Variants in PCOLCE2 observed in about 807,000 individuals in gnomAD.
PCOLCE2 encodes the protein procollagen C-proteinase enhancer 2.
PCOLCE2 carries 42 observed loss-of-function variants against 47.0 expected under a neutral mutation model. The ratio of observed to expected loss-of-function variants is 0.89; its 90% CI spans 0.70 to 1.16. The LOEUF (loss-of-function observed/expected upper bound fraction) is 1.16, where lower values mean the gene tolerates loss of function less well. Among genes scored for constraint, PCOLCE2 ranks in the 50% most tolerant of loss-of-function variants. PCOLCE2 has a pLI of 0.00. For missense variants in PCOLCE2, 500 were observed against 526.1 expected (o/e 0.95, Z 0.49); for synonymous variants, 169 against 191.7 (o/e 0.88, Z 0.98).
intron 6 of PCOLCE2, among the ~76,000 whole-genome samples, chr3:142,824,467 T>A (rs764893027): frequency 7.9e-5 from 12 of 152,124 alleles, no homozygotes; most frequent in Non-Finnish European, 1.8e-4. Context: ...CTCATAATCA[T>A]CTTAAGAATG....
intron 2 of PCOLCE2, among the ~76,000 whole-genome samples, chr3:142,886,961 C>T (rs1386447730): frequency 3.3e-5 from 5 of 152,198 alleles, no homozygotes; most frequent in African/African-American, 1.2e-4. Context: ...TAAACAACTT[C>T]CCAACAACGA....
At chr3:142,834,737 C>T (rs372763721) in intron 5 of PCOLCE2, among the ~76,000 whole-genome samples, 3 of 151,970 alleles carry the variant, frequency 2.0e-5, no homozygotes, top group Non-Finnish European at 2.9e-5. Context: ...TTTGTTTCAG[C>T]GTTTCTTTTT....
chr3:142,827,302 A>C, intron 6 of PCOLCE2: 1 of 1,339,228 alleles, frequency 7.5e-7, no homozygotes, highest in Non-Finnish European at 1.1e-6. Context: ...TCTTTGCCTT[A>C]TATTTGTGGT....
intron 1 of PCOLCE2, 58 bp from the exon 2 acceptor site, chr3:142,887,835 T>A: frequency 1.1e-6 from 1 of 928,876 alleles, no homozygotes; most frequent in Non-Finnish European, 1.8e-6. Flanking sequence ...AACAATCTGA[T>A]GTTACCTTCA....
In PCOLCE2 at chr3:142,887,788, A is replaced by G. The variant is rs763109157; in HGVS notation, c.84-11T>C. ...CATGTGAAAACAGGTCTGGGAACAT[A>G]AAAGAAGAAAAGATAATGTAATTTG... is the stretch of plus-strand genomic sequence containing the variant. On this transcript the variant is annotated splice_polypyrimidine_tract_variant and intron_variant, in intron 1 of 8. Transcript: ENST00000295992. 1.5e-6 allele frequency: 2 copies of G among 1,359,376 alleles called. No homozygotes were observed. The highest frequency in any genetic ancestry group is 2.9e-5 in the African/African-American group (2 of 69,802). 84.2% of individuals were successfully genotyped at this position (1,359,376 alleles called of 1,614,324 possible).
At chr3:142,875,972 G>A (rs1235189620) in intron 2 of PCOLCE2, among the ~76,000 whole-genome samples, 1 of 152,188 alleles carries the variant, frequency 6.6e-6, no homozygotes, top group Non-Finnish European at 1.5e-5. Flanking sequence ...CTTTACTTAT[G>A]ATGGGCAAGA....
rs1392965501 is a variant in PCOLCE2 at position 142,836,069 on chromosome 3, T to G, written c.710+2701A>C. On this transcript the variant is annotated intron_variant, in intron 5 of 8. Coordinates refer to ENST00000295992, the MANE Select transcript of PCOLCE2 (RefSeq NM_013363.4). ...AAAACTGTATTTCTACTGTTTCTAA[T>G]GCAGGCATTATCAACTTGGAAGCTT... Among the ~76,000 whole-genome samples, 4 of 152,264 alleles carry G rather than the reference T, an allele frequency of 2.6e-5. No individual in the cohort carries two copies. In the East Asian group the frequency reaches 7.7e-4, roughly 29 times the overall value.
Position 142,838,862 on chromosome 3 carries a change from G to A in PCOLCE2, c.618C>T (p.Asn206=), listed in dbSNP as rs1014461402. The A allele has an allele frequency of 2.5e-6, 4 of 1,612,702 alleles. No individual in the cohort carries two copies. The change falls in exon 5 of 9, where the codon AAC becomes AAT. Residue 206 remains asparagine, a synonymous_variant. Coordinates refer to ENST00000295992, the MANE Select transcript of PCOLCE2 (RefSeq NM_013363.4). ...CAGCCACATAATCATATCGGCAGTAGTTATCTCGCTCCACATCAAACTTCT... is the reference window on the plus strand; with the variant it reads ...CAGCCACATAATCATATCGGCAGTAATTATCTCGCTCCACATCAAACTTCT... The part of the protein sequence containing the change: ...KFEKFDVERD[N]YCRYDYVAVF...
At chr3:142,845,755 A>G (rs6440111) in intron 3 of PCOLCE2, among the ~76,000 whole-genome samples, 10,262 of 152,200 alleles carry the variant, frequency 0.067, 1,106 homozygotes, top group African/African-American at 0.23. Flanking sequence ...GGGCAGATCA[A>G]CCTGAGGTCA....
intron 2 of PCOLCE2, among the ~76,000 whole-genome samples, chr3:142,860,734 G>A (rs922805418): frequency 6.6e-6 from 1 of 152,188 alleles, no homozygotes; most frequent in Non-Finnish European, 1.5e-5. Flanking sequence ...AGTTAGCTTA[G>A]TTTTCTATGT....
intron 2 of PCOLCE2, among the ~76,000 whole-genome samples, chr3:142,861,242 G>C (rs920466): frequency 0.57 from 86,696 of 152,026 alleles, 25,353 homozygotes; most frequent in Non-Finnish European, 0.64. Flanking sequence ...TCTGCAGAGA[G>C]TTGTAGGATT....
intron 6 of PCOLCE2, chr3:142,827,123 G>T: frequency 6.9e-7 from 1 of 1,448,330 alleles, no homozygotes; most frequent in Non-Finnish European, 9.6e-7. Context: ...GCACAGTCTT[G>T]GTTCCCCAGA....
intron 2 of PCOLCE2, among the ~76,000 whole-genome samples, chr3:142,855,633 T>C (rs1338554131): frequency 6.6e-6 from 1 of 152,216 alleles, no homozygotes; most frequent in Non-Finnish European, 1.5e-5. Context: ...TCCCAGCCTC[T>C]CTTGCAGTTA....
chr3:142,827,018 C>A, intron 6 of PCOLCE2: 2 of 770,654 alleles, frequency 2.6e-6, no homozygotes, highest in Non-Finnish European at 2.1e-6. Flanking sequence ...CGTTCTTGAT[C>A]ATTGTTTCAA....
intron 6 of PCOLCE2, among the ~76,000 whole-genome samples, chr3:142,828,513 T>C (rs1463596344): frequency 6.6e-6 from 1 of 151,952 alleles, no homozygotes; most frequent in East Asian, 1.9e-4. Context: ...GGGAGCGGGG[T>C]AGGGCATGAG....
intron 2 of PCOLCE2, among the ~76,000 whole-genome samples, chr3:142,853,391 T>C (rs1023635658): frequency 9.9e-5 from 15 of 152,140 alleles, no homozygotes; most frequent in East Asian, 1.9e-4. Context: ...TCTGTGAGCA[T>C]GGGATGGCTC....
chr3:142,818,096 T>C lies in PCOLCE2; in HGVS notation c.*239A>G, dbSNP rs1232717815. On this transcript the variant is annotated 3_prime_UTR_variant, in exon 9 of 9. Transcript: ENST00000295992. ...AACGCTTGACACTTTTAGCTTCCTA[T>C]CACCGCACTAAGTCGGCAGGTTTCC... 1 of 393,634 alleles carries C rather than the reference T, an allele frequency of 2.5e-6. No individual in the cohort carries two copies. The highest frequency in any genetic ancestry group is 2.0e-5 in the African/African-American group (1 of 49,670). The allele number at this position is 393,634 out of a possible 1,614,324, so 24.4% of individuals were successfully genotyped here.
At chr3:142,820,610 A>AATCTC (rs1288696912) in intron 8 of PCOLCE2, among the ~76,000 whole-genome samples, 1 of 152,104 alleles carries the variant, frequency 6.6e-6, no homozygotes, top group Non-Finnish European at 1.5e-5. Context: ...AATAGTCTAA[A>AATCTC]ATCTCTCCAC....
intron 2 of PCOLCE2, among the ~76,000 whole-genome samples, chr3:142,884,170 A>G (rs1285819252): frequency 6.6e-6 from 1 of 152,148 alleles, no homozygotes; most frequent in Non-Finnish European, 1.5e-5. Flanking sequence ...CCTGCATACA[A>G]TCTCAAACTG....
Sources: allele counts gnomAD v4.1 joint callset (sites outside exome capture counted in the v4.1 genomes callset), GRCh38; gene constraint gnomAD v4.1.1; transcripts MANE v1.5; gene names NCBI Gene and HGNC (gene_info 2026-07-23, HGNC 2026-07-21).